The following AR variants were observed in gnomAD, a reference collection of about 807,000 sequenced individuals.
AR encodes the protein androgen receptor.
AR carries 8 observed loss-of-function variants against 53.9 expected under a neutral mutation model. That is an observed-to-expected ratio of 0.15 (90% CI 0.09 to 0.27). AR has a LOEUF of 0.27. Ranked by LOEUF, AR falls within the 10% of genes least tolerant of loss-of-function variation. The pLI is 1.00. For missense variants in AR, 639 were observed against 742.5 expected (o/e 0.86, Z 1.62); for synonymous variants, 359 against 316.4 (o/e 1.13, Z -1.43).
chrX:67,549,146 T>C (rs1204260240), intron 1 of AR, among the ~76,000 whole-genome samples: 4 of 112,611 alleles, frequency 3.6e-5, no homozygotes, highest in Non-Finnish European at 7.5e-5. Context: ...GATATTTTCT[T>C]ACTTTCTCTT....
At chrX:67,707,094 T>C (rs1040596543) in intron 3 of AR, among the ~76,000 whole-genome samples, 11 of 111,780 alleles carry the variant, frequency 9.8e-5, no homozygotes, top group African/African-American at 3.3e-4. Context: ...GGAATAGGTG[T>C]GGTGTGGTGC....
chrX:67,647,945 A>G (rs975162119), intron 2 of AR, among the ~76,000 whole-genome samples: 2 of 112,270 alleles, frequency 1.8e-5, no homozygotes, highest in Admixed American at 9.5e-5. Context: ...TTACCATTTA[A>G]AAATTTAGAA....
intron 3 of AR, among the ~76,000 whole-genome samples, chrX:67,686,526 G>A (rs905939003): frequency 1.8e-5 from 2 of 110,629 alleles, no homozygotes; most frequent in Non-Finnish European, 3.8e-5. Flanking sequence ...AGGCATAGGC[G>A]CAGGATGACC....
At chrX:67,551,770 T>C (rs983369924) in intron 1 of AR, among the ~76,000 whole-genome samples, 3 of 111,614 alleles carry the variant, frequency 2.7e-5, no homozygotes, top group Non-Finnish European at 5.6e-5. Flanking sequence ...CAGATAATAC[T>C]TTAGATTGTT....
chrX:67,695,125 G>A, intron 3 of AR: 1 of 764,700 alleles, frequency 1.3e-6, no homozygotes, highest in Non-Finnish European at 1.5e-6. Context: ...TGTGCTGCCA[G>A]GAAGAAACTT....
At chrX:67,569,027 G>A (rs1921683534) in intron 1 of AR, 1 of 1,208,115 alleles carries the variant, frequency 8.3e-7, no homozygotes, top group African/African-American at 1.8e-5. Context: ...TCACAGGTGG[G>A]AGGTTCTTCA....
intron 2 of AR, among the ~76,000 whole-genome samples, chrX:67,651,399 G>A (rs192911894): frequency 5.4e-5 from 6 of 110,530 alleles, no homozygotes; most frequent in Admixed American, 9.7e-5. Flanking sequence ...TTTGAACTTC[G>A]CAACTTTCTT....
At chrX:67,685,263 G>A (rs971166718) in intron 2 of AR, among the ~76,000 whole-genome samples, 1 of 111,839 alleles carries the variant, frequency 8.9e-6, no homozygotes, top group Non-Finnish European at 1.9e-5. Flanking sequence ...AAAGTATTGA[G>A]CAAAATATGT....
At chrX:67,714,368 G>T (rs1305565372) in intron 4 of AR, among the ~76,000 whole-genome samples, 1 of 111,973 alleles carries the variant, frequency 8.9e-6, no homozygotes, top group Non-Finnish European at 1.9e-5. Context: ...GTAAATGGTG[G>T]TTTATTATTA....
intron 2 of AR, 160 bp from the exon 3 acceptor site, chrX:67,685,850 T>A (rs774887397): frequency 4.6e-5 from 36 of 776,064 alleles, no homozygotes; most frequent in Middle Eastern, 9.0e-4. Context: ...TGTTTGAATA[T>A]TTAGGTTCTG....
intron 3 of AR, among the ~76,000 whole-genome samples, chrX:67,691,439 A>G (rs1428486096): frequency 8.9e-6 from 1 of 112,158 alleles, no homozygotes; most frequent in African/African-American, 3.2e-5. Context: ...GGTCCTGCTC[A>G]GGAAGATTTA....
At chrX:67,674,381 A>G (rs938123281) in intron 2 of AR, among the ~76,000 whole-genome samples, 2 of 109,600 alleles carry the variant, frequency 1.8e-5, no homozygotes, top group African/African-American at 3.3e-5. Flanking sequence ...GGGCTATACA[A>G]TCAGTCAGTG....
chrX:67,624,613 A>T (rs1239389233), intron 1 of AR, among the ~76,000 whole-genome samples: 1 of 111,003 alleles, frequency 9.0e-6, no homozygotes. Flanking sequence ...TAACTTTCTA[A>T]AAATCTCAAC....
chrX:67,712,855 T>C (rs1239745480), intron 4 of AR, among the ~76,000 whole-genome samples: 1 of 112,539 alleles, frequency 8.9e-6, no homozygotes, highest in Non-Finnish European at 1.9e-5. Context: ...GCCATTCAGG[T>C]AGAAATTTAT....
chrX:67,654,071 G>A (rs1926475949), intron 2 of AR, among the ~76,000 whole-genome samples: 1 of 111,437 alleles, frequency 9.0e-6, no homozygotes, highest in South Asian at 3.8e-4. Context: ...ATAATATTTG[G>A]GAAACAGGCA....
intron 2 of AR, among the ~76,000 whole-genome samples, chrX:67,648,150 G>C (rs988836916): frequency 9.0e-6 from 1 of 111,105 alleles, no homozygotes; most frequent in Non-Finnish European, 1.9e-5. Context: ...AGAATACCTG[G>C]CCTAGTGGCT....
At chrX:67,546,984 C>A (rs1929793092) in intron 1 of AR, among the ~76,000 whole-genome samples, 1 of 110,202 alleles carries the variant, frequency 9.1e-6, no homozygotes, top group African/African-American at 3.3e-5. Flanking sequence ...TCCTGCCCTC[C>A]CAGATTCTTC....
At chrX:67,648,658 C>G (rs1926178085) in intron 2 of AR, among the ~76,000 whole-genome samples, 1 of 112,201 alleles carries the variant, frequency 8.9e-6, no homozygotes, top group South Asian at 3.7e-4. Context: ...ATTCGGGAGC[C>G]ATGCCAAGAA....
chrX:67,633,990 T>TA (rs200741512), intron 1 of AR, among the ~76,000 whole-genome samples: 6,453 of 111,402 alleles, frequency 0.058, 472 homozygotes, highest in African/African-American at 0.2. Flanking sequence ...TTTGCAGTAA[T>TA]AGATGTGAGT....
Sources: allele counts gnomAD v4.1 joint callset (sites outside exome capture counted in the v4.1 genomes callset), GRCh38; gene constraint gnomAD v4.1.1; transcripts MANE v1.5; gene names NCBI Gene and HGNC (gene_info 2026-07-23, HGNC 2026-07-21).